Variants in CACNA2D1 observed in about 807,000 individuals in gnomAD.
CACNA2D1 encodes the protein voltage-dependent calcium channel subunit alpha-2/delta-1.
Under a neutral mutation model 171.5 loss-of-function variants are expected in CACNA2D1, and 53 were observed. That is an observed-to-expected ratio of 0.31 (90% CI 0.25 to 0.39). The LOEUF (loss-of-function observed/expected upper bound fraction) is 0.39. CACNA2D1 is among the 10% of genes least tolerant of loss of function. The pLI is 1.00. For synonymous variants in CACNA2D1, 442 were observed against 443.1 expected (o/e 1.00, Z 0.03); for missense variants, 903 against 1,299.8 (o/e 0.69, Z 4.69).
chr7:82,243,335 T>G (rs1420890326), intron 3 of CACNA2D1, among the ~76,000 whole-genome samples: 2 of 152,152 alleles, frequency 1.3e-5, no homozygotes, highest in African/African-American at 2.4e-5. Flanking sequence ...CCTGGCTGAT[T>G]TTAGCTACAG....
intron 6 of CACNA2D1, among the ~76,000 whole-genome samples, chr7:82,112,664 A>G (rs1788598078): frequency 6.6e-6 from 1 of 152,158 alleles, no homozygotes; most frequent in Non-Finnish European, 1.5e-5. Context: ...AAGGTATACT[A>G]CCCACACTGG....
At chr7:82,088,907 T>A (rs754462205) in intron 6 of CACNA2D1, among the ~76,000 whole-genome samples, 38 of 152,034 alleles carry the variant, frequency 2.5e-4, no homozygotes, top group Non-Finnish European at 5.4e-4. Flanking sequence ...CATTACTAGA[T>A]ATCTCATAAG....
At chr7:82,121,952 A>T (rs554066404) in intron 5 of CACNA2D1, among the ~76,000 whole-genome samples, 2 of 152,180 alleles carry the variant, frequency 1.3e-5, no homozygotes, top group Admixed American at 6.5e-5. Context: ...TTTTAAAATT[A>T]ACATGAAAAG....
chr7:82,296,963 G>A, intron 3 of CACNA2D1, among the ~76,000 whole-genome samples: 1 of 151,098 alleles, frequency 6.6e-6, no homozygotes, highest in East Asian at 2.0e-4. Flanking sequence ...GGCGGGGAGT[G>A]GTGGCTTATG....
At chr7:82,398,796 G>A (rs1488591757) in intron 1 of CACNA2D1, among the ~76,000 whole-genome samples, 2 of 151,684 alleles carry the variant, frequency 1.3e-5, no homozygotes, top group African/African-American at 4.8e-5. Context: ...CTAGGCTGGT[G>A]TCAAATTCCT....
At chr7:82,116,607 G>A (rs745513916) in intron 6 of CACNA2D1, among the ~76,000 whole-genome samples, 11 of 152,176 alleles carry the variant, frequency 7.2e-5, no homozygotes, top group Non-Finnish European at 1.5e-4. Flanking sequence ...GAGAGAGACT[G>A]ACAGACATGA....
chr7:82,198,373 T>C (rs1454019257), intron 3 of CACNA2D1, among the ~76,000 whole-genome samples: 3 of 152,128 alleles, frequency 2.0e-5, no homozygotes, highest in Non-Finnish European at 2.9e-5. Context: ...TCTCTGAGTC[T>C]CATTATTTAC....
At chr7:82,387,645 G>T (rs1049098681) in intron 1 of CACNA2D1, among the ~76,000 whole-genome samples, 1 of 152,126 alleles carries the variant, frequency 6.6e-6, no homozygotes, top group Non-Finnish European at 1.5e-5. Flanking sequence ...TTGTACTTCT[G>T]AGACACACAA....
intron 2 of CACNA2D1, among the ~76,000 whole-genome samples, chr7:82,343,854 A>C (rs1818954933): frequency 6.6e-6 from 1 of 152,248 alleles, no homozygotes; most frequent in African/African-American, 2.4e-5. Context: ...AATGTCTCTA[A>C]CCCCAAACGA....
chr7:82,284,795 T>C (rs1372973638), intron 3 of CACNA2D1, among the ~76,000 whole-genome samples: 1 of 152,126 alleles, frequency 6.6e-6, no homozygotes, highest in African/African-American at 2.4e-5. Context: ...TGGAGAAACA[T>C]CAACATTCAG....
chr7:82,131,805 C>T (rs1157705604), intron 5 of CACNA2D1, among the ~76,000 whole-genome samples: 1 of 151,978 alleles, frequency 6.6e-6, no homozygotes, highest in Non-Finnish European at 1.5e-5. Context: ...TGATAGTAGC[C>T]AAATTCAAAC....
At chr7:82,122,527 GAA>G (rs1789858273) in intron 5 of CACNA2D1, among the ~76,000 whole-genome samples, 1 of 152,206 alleles carries the variant, frequency 6.6e-6, no homozygotes, top group Non-Finnish European at 1.5e-5. Context: ...GAGTATGATG[GAA>G]AAGAGTTGGA....
chr7:82,130,791 C>CTTTTTTTTTTTTTTTTTT (rs71093363), intron 5 of CACNA2D1, among the ~76,000 whole-genome samples: 1 of 105,846 alleles, frequency 9.4e-6, no homozygotes, highest in African/African-American at 4.1e-5. Flanking sequence ...TTGTTTTTGT[C>CTTTTTTTTTTTTTTTTTT]TTTTTTTTTT....
chr7:82,267,880 T>C (rs1318063606), intron 3 of CACNA2D1, among the ~76,000 whole-genome samples: 6 of 151,958 alleles, frequency 3.9e-5, no homozygotes, highest in South Asian at 2.1e-4. Context: ...GCCTGTAGTC[T>C]CAGCTACTCG....
At chr7:81,979,631 C>A (rs952685873) in intron 24 of CACNA2D1, among the ~76,000 whole-genome samples, 2 of 152,076 alleles carry the variant, frequency 1.3e-5, no homozygotes, top group Admixed American at 1.3e-4. Flanking sequence ...TAATATTCTG[C>A]GGGACCCTGT....
intron 3 of CACNA2D1, among the ~76,000 whole-genome samples, chr7:82,230,268 C>T (rs188865358): frequency 3.3e-5 from 5 of 152,298 alleles, no homozygotes; most frequent in Non-Finnish European, 5.9e-5. Flanking sequence ...GAAATGGAAT[C>T]AGAGAATAGT....
chr7:82,367,197 C>T (rs753518451), intron 1 of CACNA2D1, among the ~76,000 whole-genome samples: 98 of 152,024 alleles, frequency 6.4e-4, no homozygotes, highest in Non-Finnish European at 1.2e-3. Flanking sequence ...GCATGAGCCA[C>T]CATGCCTGGC....
intron 5 of CACNA2D1, among the ~76,000 whole-genome samples, chr7:82,134,905 A>G (rs896896924): frequency 6.6e-6 from 1 of 152,144 alleles, no homozygotes; most frequent in Non-Finnish European, 1.5e-5. Context: ...ACTTTGAAGC[A>G]TTGATTGAAA....
chr7:82,052,298 G>A (rs1301786722), intron 10 of CACNA2D1, among the ~76,000 whole-genome samples: 1 of 152,080 alleles, frequency 6.6e-6, no homozygotes, highest in Non-Finnish European at 1.5e-5. Flanking sequence ...AAAGCTAAAG[G>A]TATATTGTTG....
Sources: allele counts gnomAD v4.1 joint callset (sites outside exome capture counted in the v4.1 genomes callset), GRCh38; gene constraint gnomAD v4.1.1; transcripts MANE v1.5; gene names NCBI Gene and HGNC (gene_info 2026-07-23, HGNC 2026-07-21).